CFDP1: variants seen among roughly 807,000 people sequenced by gnomAD.
CFDP1 encodes heterochromatin-stabilizing protein CFDP1.
Under a neutral mutation model 40.1 loss-of-function variants are expected in CFDP1, and 31 were observed. The ratio of observed to expected loss-of-function variants is 0.77; its 90% CI spans 0.58 to 1.04. The LOEUF (loss-of-function observed/expected upper bound fraction) is 1.04. Among genes scored for constraint, CFDP1 ranks in the 50% least tolerant of loss-of-function variants. The probability of loss-of-function intolerance (pLI) is 0.00; values close to 1 mark genes in which losing one functional copy is unlikely to be tolerated. For synonymous variants in CFDP1, 167 were observed against 120.0 expected (o/e 1.39, Z -2.56); for missense variants, 423 against 343.4 (o/e 1.23, Z -1.83).
At chr16:75,424,368 C>T (rs750944391) in intron 1 of CFDP1, among the ~76,000 whole-genome samples, 21 of 152,232 alleles carry the variant, frequency 1.4e-4, no homozygotes, top group South Asian at 4.1e-4. Flanking sequence ...AGGGTTTAAA[C>T]GGCAGGCAGA....
chr16:75,297,192 G>GTGTGTGTGTGTGTT (rs2078189620), intron 6 of CFDP1, among the ~76,000 whole-genome samples: 1 of 150,804 alleles, frequency 6.6e-6, no homozygotes, highest in Admixed American at 6.6e-5. Context: ...GTGTGTGTGT[G>GTGTGTGTGTGTGTT]TGTTTTTAGT....
chr16:75,403,211 T>A (rs1019582171), intron 4 of CFDP1, among the ~76,000 whole-genome samples: 9 of 152,110 alleles, frequency 5.9e-5, no homozygotes, highest in Non-Finnish European at 1.0e-4. Context: ...AACACTTAAT[T>A]TGACCGAAAA....
At chr16:75,376,741 A>C (rs910192840) in intron 5 of CFDP1, among the ~76,000 whole-genome samples, 58 of 152,278 alleles carry the variant, frequency 3.8e-4, no homozygotes, top group African/African-American at 1.3e-3. Context: ...TAGCTAAAAC[A>C]GGTATGGGGC....
intron 5 of CFDP1, chr16:75,372,549 A>T (rs1394229356): frequency 6.6e-6 from 1 of 152,214 alleles, no homozygotes; most frequent in East Asian, 1.9e-4. Flanking sequence ...ATCAATCTCT[A>T]GGCATCAAAT....
chr16:75,325,512 T>C (rs1197545272), intron 5 of CFDP1, among the ~76,000 whole-genome samples: 2 of 152,236 alleles, frequency 1.3e-5, no homozygotes, highest in Non-Finnish European at 2.9e-5. Flanking sequence ...GATTGTCTTT[T>C]CTCTATCACA....
At chr16:75,414,782 GA>G in intron 1 of CFDP1, 87 bp from the exon 2 acceptor site, 1 of 832,208 alleles carries the variant, frequency 1.2e-6, no homozygotes, top group Non-Finnish European at 1.9e-6. Flanking sequence ...CTTTCACACC[GA>G]GACATTTTCA....
chr16:75,414,457 C>A, intron 2 of CFDP1, 121 bp downstream of exon 2: 1 of 657,256 alleles, frequency 1.5e-6, no homozygotes, highest in East Asian at 2.5e-5. Context: ...CAAATGTTTC[C>A]CTCAAAGAGA....
At chr16:75,324,160 G>C (rs1263242330) in intron 5 of CFDP1, among the ~76,000 whole-genome samples, 1 of 151,928 alleles carries the variant, frequency 6.6e-6, no homozygotes, top group Admixed American at 6.6e-5. Context: ...TACATTAGGA[G>C]AAAACCATTA....
intron 1 of CFDP1, among the ~76,000 whole-genome samples, chr16:75,426,765 G>T (rs1341931038): frequency 6.6e-6 from 1 of 152,084 alleles, no homozygotes; most frequent in Non-Finnish European, 1.5e-5. Context: ...ACAAGTATGT[G>T]ACAAAGGAGC....
intron 4 of CFDP1, among the ~76,000 whole-genome samples, chr16:75,399,360 G>T (rs2079028248): frequency 6.6e-6 from 1 of 152,084 alleles, no homozygotes; most frequent in African/African-American, 2.4e-5. Flanking sequence ...GGTAGAATCT[G>T]GGGCAGACCA....
chr16:75,300,285 G>C (rs1284833579), intron 6 of CFDP1, among the ~76,000 whole-genome samples: 1 of 151,984 alleles, frequency 6.6e-6, no homozygotes, highest in Non-Finnish European at 1.5e-5. Context: ...CAAGGATGAA[G>C]CCCAAGTTTT....
intron 6 of CFDP1, among the ~76,000 whole-genome samples, chr16:75,298,223 G>T (rs2078197673): frequency 6.6e-6 from 1 of 152,200 alleles, no homozygotes; most frequent in Non-Finnish European, 1.5e-5. Context: ...ATTGAAAAAG[G>T]TCTGAAATCT....
intron 6 of CFDP1, among the ~76,000 whole-genome samples, chr16:75,299,690 G>A (rs2078209118): frequency 6.6e-6 from 1 of 152,140 alleles, no homozygotes; most frequent in South Asian, 2.1e-4. Context: ...CTGCCATGGT[G>A]CAGCACCTGC....
At chr16:75,399,056 CAAAA>C (rs58692180) in intron 4 of CFDP1, among the ~76,000 whole-genome samples, 2 of 98,046 alleles carry the variant, frequency 2.0e-5, no homozygotes, top group South Asian at 3.4e-4. Flanking sequence ...GACTCCGTCT[CAAAA>C]AAAAAAAAAA....
intron 4 of CFDP1, among the ~76,000 whole-genome samples, chr16:75,404,999 G>T (rs541433131): frequency 6.6e-6 from 1 of 152,132 alleles, no homozygotes; most frequent in African/African-American, 2.4e-5. Context: ...TTCAAGTTTT[G>T]ACTGCAAAAC....
At chr16:75,356,736 TAAG>T (rs1027436497) in intron 5 of CFDP1, among the ~76,000 whole-genome samples, 7 of 152,132 alleles carry the variant, frequency 4.6e-5, no homozygotes, top group South Asian at 2.1e-4. Context: ...AAAAAAATAA[TAAG>T]AAGAAAGAAA....
intron 6 of CFDP1, among the ~76,000 whole-genome samples, chr16:75,295,647 C>A (rs118151612): frequency 6.6e-6 from 1 of 152,162 alleles, no homozygotes; most frequent in African/African-American, 2.4e-5. Context: ...GTGTCAAAAC[C>A]GTCAATGAGG....
chr16:75,312,022 C>T (rs1465494001), intron 5 of CFDP1, among the ~76,000 whole-genome samples: 5 of 152,130 alleles, frequency 3.3e-5, no homozygotes, highest in South Asian at 2.1e-4. Context: ...GATAATTCTT[C>T]GTTGAGGGCT....
intron 4 of CFDP1, among the ~76,000 whole-genome samples, chr16:75,410,144 T>A (rs1481235965): frequency 6.9e-6 from 1 of 145,970 alleles, no homozygotes; most frequent in Non-Finnish European, 1.5e-5. Flanking sequence ...CTTCACTAGA[T>A]AAATAATTGT....
Sources: allele counts gnomAD v4.1 joint callset (sites outside exome capture counted in the v4.1 genomes callset), GRCh38; gene constraint gnomAD v4.1.1; transcripts MANE v1.5; gene names NCBI Gene and HGNC (gene_info 2026-07-23, HGNC 2026-07-21).